Variants in RGS6 observed in about 807,000 individuals in gnomAD.
The protein encoded by RGS6 is regulator of G protein signaling 6, also known as regulator of G-protein signaling 6.
In RGS6, 30 loss-of-function variants were observed where a neutral mutation model predicts 78.5. The observed-to-expected ratio is 0.38, with a 90% CI of 0.29 to 0.52. RGS6 has a LOEUF of 0.52. Among genes scored for constraint, RGS6 ranks in the 20% least tolerant of loss-of-function variants. The pLI, the probability that RGS6 is intolerant of heterozygous loss-of-function variation, is 0.85. For missense variants in RGS6, 495 were observed against 609.7 expected (o/e 0.81, Z 1.98); for synonymous variants, 206 against 206.0 (o/e 1.00, Z 0.00).
chr14:72,487,073 C>T (rs867531372), intron 12 of RGS6, among the ~76,000 whole-genome samples: 12 of 152,074 alleles, frequency 7.9e-5, no homozygotes, highest in African/African-American at 2.9e-4. Flanking sequence ...CTGCTAAATG[C>T]CCAGGTCACC....
the RGS6 span, among the ~76,000 whole-genome samples, chr14:71,881,656 G>A: frequency 6.6e-6 from 1 of 152,204 alleles, no homozygotes; most frequent in Non-Finnish European, 1.5e-5. Context: ...CCCTAGCCAT[G>A]TGGAATTGTG....
intron 2 of RGS6, among the ~76,000 whole-genome samples, chr14:71,970,210 T>A (rs1475636920): frequency 6.6e-6 from 1 of 152,184 alleles, no homozygotes; most frequent in Non-Finnish European, 1.5e-5. Context: ...TAGTATATAG[T>A]GTCATAGATG....
chr14:72,124,174 T>A (rs2096128215), intron 2 of RGS6, among the ~76,000 whole-genome samples: 1 of 152,232 alleles, frequency 6.6e-6, no homozygotes, highest in East Asian at 1.9e-4. Context: ...CCATTTAATC[T>A]GTTTGCTGAT....
intron 2 of RGS6, among the ~76,000 whole-genome samples, chr14:72,154,267 A>G (rs1316117059): frequency 6.6e-6 from 1 of 152,114 alleles, no homozygotes; most frequent in African/African-American, 2.4e-5. Context: ...TTCAAGGTAC[A>G]CTGATTTCAT....
At chr14:72,289,815 G>A (rs1191849333) in intron 2 of RGS6, among the ~76,000 whole-genome samples, 2 of 152,128 alleles carry the variant, frequency 1.3e-5, no homozygotes, top group African/African-American at 4.8e-5. Flanking sequence ...GTGGACAGGT[G>A]GTTATGACTT....
rs762482809 is a variant in RGS6 at position 72,564,417 on chromosome 14, T to C, written c.*1950T>C. On this transcript the variant is annotated 3_prime_UTR_variant, in exon 18 of 18. Transcript: ENST00000553525. ...TGGCATAAAGCCCCATTCCAAGTTA[T>C]GGGGTCTTTTGACAGGCCCCTTTCA... is the stretch of plus-strand genomic sequence containing the variant. 4 of 152,222 alleles carry C rather than the reference T, an allele frequency of 2.6e-5. No individual in the cohort carries two copies. Among genetic ancestry groups the C allele is most frequent in the Non-Finnish European group, 4.4e-5 (3 of 68,042 alleles). The allele number at this position is 152,222 out of a possible 1,614,324, so 9.4% of individuals were successfully genotyped here.
chr14:72,429,091 A>C (rs1013066650), intron 3 of RGS6, among the ~76,000 whole-genome samples: 1 of 152,150 alleles, frequency 6.6e-6, no homozygotes, highest in Admixed American at 6.5e-5. Flanking sequence ...AGTCCCAGCT[A>C]CTCAGGAGGC....
chr14:72,419,561 G>A (rs1411265867), intron 3 of RGS6, among the ~76,000 whole-genome samples: 2 of 152,176 alleles, frequency 1.3e-5, no homozygotes, highest in Non-Finnish European at 2.9e-5. Context: ...AAAATACAAT[G>A]TGTCTGTGCA....
intron 17 of RGS6, chr14:72,540,839 G>C: frequency 1.0e-6 from 1 of 985,254 alleles, no homozygotes; most frequent in South Asian, 4.7e-5. Flanking sequence ...CAGGTTCATG[G>C]TACGCCCCAG....
chr14:72,173,751 C>T (rs1274000778), intron 2 of RGS6, among the ~76,000 whole-genome samples: 1 of 152,124 alleles, frequency 6.6e-6, no homozygotes, highest in Non-Finnish European at 1.5e-5. Context: ...CTGGAACCTT[C>T]CCGTCCCCTC....
At chr14:72,449,584 T>C (rs929864055) in intron 3 of RGS6, among the ~76,000 whole-genome samples, 10 of 152,296 alleles carry the variant, frequency 6.6e-5, no homozygotes, top group South Asian at 6.2e-4. Context: ...CCCTTACAGC[T>C]TACTCAACAG....
intron 17 of RGS6, 133 bp downstream of exon 17, chr14:72,540,227 A>C (rs1373699722): frequency 6.6e-7 from 1 of 1,524,178 alleles, no homozygotes; most frequent in Non-Finnish European, 8.7e-7. Flanking sequence ...TTCTCCCTCG[A>C]CTCAGCCCTT....
intron 3 of RGS6, among the ~76,000 whole-genome samples, chr14:72,364,026 A>AAAAAAAAAAC (rs869138887): frequency 6.7e-6 from 1 of 148,356 alleles, no homozygotes; most frequent in African/African-American, 2.5e-5. Flanking sequence ...AAAAAAAAAA[A>AAAAAAAAAAC]CTCTATATTT....
chr14:72,320,021 A>G (rs1034182705), intron 2 of RGS6, among the ~76,000 whole-genome samples: 1 of 152,234 alleles, frequency 6.6e-6, no homozygotes, highest in Non-Finnish European at 1.5e-5. Context: ...GATCTTGGAG[A>G]TAAGAATGAT....
chr14:72,084,616 G>A (rs2094951445), intron 2 of RGS6, among the ~76,000 whole-genome samples: 1 of 152,164 alleles, frequency 6.6e-6, no homozygotes, highest in South Asian at 2.1e-4. Context: ...GAGAACTCAT[G>A]ACTTTGGTAG....
chr14:72,002,513 A>G (rs972610404), intron 2 of RGS6, among the ~76,000 whole-genome samples: 5 of 152,054 alleles, frequency 3.3e-5, no homozygotes, highest in African/African-American at 1.2e-4. Flanking sequence ...TCTTTACATG[A>G]TAGTTACTCT....
chr14:72,208,064 C>T (rs946326487), intron 2 of RGS6, among the ~76,000 whole-genome samples: 1 of 152,162 alleles, frequency 6.6e-6, no homozygotes, highest in African/African-American at 2.4e-5. Context: ...CTACCCTCTG[C>T]TCTAGGGGTT....
At chr14:72,493,283 A>G (rs1344373689) in intron 12 of RGS6, among the ~76,000 whole-genome samples, 2 of 152,232 alleles carry the variant, frequency 1.3e-5, no homozygotes, top group Non-Finnish European at 2.9e-5. Context: ...AACTTACAAT[A>G]AAAGTATAGA....
intron 2 of RGS6, among the ~76,000 whole-genome samples, chr14:72,237,531 A>G (rs1216516620): frequency 6.6e-6 from 1 of 152,198 alleles, no homozygotes; most frequent in Admixed American, 6.5e-5. Flanking sequence ...CTGAAGAGGC[A>G]GAGGCAATCC....
Sources: allele counts gnomAD v4.1 joint callset (sites outside exome capture counted in the v4.1 genomes callset), GRCh38; gene constraint gnomAD v4.1.1; transcripts MANE v1.5; gene names NCBI Gene and HGNC (gene_info 2026-07-23, HGNC 2026-07-21).